Variants in PLEKHA7 observed in about 807,000 individuals in gnomAD.
PLEKHA7 encodes the protein pleckstrin homology domain containing A7.
Under a neutral mutation model 170.0 loss-of-function variants are expected in PLEKHA7, and 104 were observed. The ratio of observed to expected loss-of-function variants is 0.61; its 90% CI spans 0.52 to 0.72. The LOEUF (loss-of-function observed/expected upper bound fraction) is 0.72, where lower values mean the gene tolerates loss of function less well. Among genes scored for constraint, PLEKHA7 ranks in the 30% least tolerant of loss-of-function variants. The pLI, the probability that PLEKHA7 is intolerant of heterozygous loss-of-function variation, is 0.00. For synonymous variants in PLEKHA7, 648 were observed against 660.8 expected (o/e 0.98, Z 0.30); for missense variants, 1,615 against 1,671.7 (o/e 0.97, Z 0.59).
intron 3 of PLEKHA7, among the ~76,000 whole-genome samples, chr11:16,875,842 G>A (rs754883494): frequency 2.0e-5 from 3 of 152,244 alleles, no homozygotes; most frequent in Non-Finnish European, 2.9e-5. Flanking sequence ...GTCCCTGGGC[G>A]ATTCCATTCA....
Position 16,778,905 on chromosome 11 carries a change from C to T in PLEKHA7, c.*93G>A, listed in dbSNP as rs965043545. The T allele has an allele frequency of 3.3e-5, 23 of 701,464 alleles. No homozygotes were observed. The highest frequency in any genetic ancestry group is 5.2e-5 in the Non-Finnish European group (20 of 384,312). The allele number at this position is 701,464 out of a possible 1,614,324, so 43.5% of individuals were successfully genotyped here. A position where few individuals can be genotyped will look rare whatever the true frequency, so the allele number is the denominator to read the frequency against. Reference sequence around the variant, plus strand: ...TCCTCCGGCCGGATTCCCTGCTCAGCTGGAAGGGGTTTCCTTGGGGGCAGA... The same window carrying T: ...TCCTCCGGCCGGATTCCCTGCTCAGTTGGAAGGGGTTTCCTTGGGGGCAGA... On this transcript the variant is annotated 3_prime_UTR_variant, in exon 27 of 27. Transcript: ENST00000531066.
At chr11:16,871,302 G>T in intron 3 of PLEKHA7, 120 bp from the exon 4 acceptor site, 1 of 725,338 alleles carries the variant, frequency 1.4e-6, no homozygotes. Flanking sequence ...GGGGAGAAAT[G>T]TGGGCCTTTC....
intron 3 of PLEKHA7, among the ~76,000 whole-genome samples, chr11:16,968,626 C>T (rs1862520811): frequency 6.6e-6 from 1 of 152,118 alleles, no homozygotes; most frequent in Non-Finnish European, 1.5e-5. Flanking sequence ...TTCTTGCTTA[C>T]AATGGAAAAA....
At chr11:16,853,437 G>A (rs1853153165) in intron 6 of PLEKHA7, among the ~76,000 whole-genome samples, 1 of 152,148 alleles carries the variant, frequency 6.6e-6, no homozygotes, top group East Asian at 1.9e-4. Flanking sequence ...TGCTTTGTTT[G>A]GAGACCTCTT....
intron 3 of PLEKHA7, among the ~76,000 whole-genome samples, chr11:16,894,753 G>A (rs1590516375): frequency 2.0e-5 from 3 of 152,272 alleles, no homozygotes; most frequent in South Asian, 4.1e-4. Flanking sequence ...CCCAGTGCAC[G>A]AGACTTCTCC....
chr11:16,892,402 TA>T (rs772469994), intron 3 of PLEKHA7, among the ~76,000 whole-genome samples: 7 of 106,850 alleles, frequency 6.6e-5, no homozygotes, highest in Non-Finnish European at 8.9e-5. Context: ...GAGGTTGTTT[TA>T]TTTTGTGTGT....
chr11:16,790,633 A>T, intron 21 of PLEKHA7, 165 bp downstream of exon 21: 1 of 630,732 alleles, frequency 1.6e-6, no homozygotes, highest in Non-Finnish European at 2.8e-6. Context: ...TGTGGGCCAG[A>T]GGAAGACAGG....
rs1368674026 is a variant in PLEKHA7, at chr11:16,826,590, C to T, written c.873G>A (p.Arg291=). 4 of 1,609,982 alleles carry T rather than the reference C, an allele frequency of 2.5e-6. No individual in the cohort carries two copies. The highest frequency in any genetic ancestry group is 3.4e-6 in the Non-Finnish European group (4 of 1,178,206). Reference sequence around the variant, plus strand: ...CCTGCCGCTCCACCTTCTCCATATCCCTGCAATGACAGCAGCACATTCAGT... The same window carrying T: ...CCTGCCGCTCCACCTTCTCCATATCTCTGCAATGACAGCAGCACATTCAGT... ...AQVLSRSSLK[R]DMEKVERQAV... The change falls in exon 10 of 27, where the codon AGG becomes AGA. Residue 291 remains arginine, a splice_region_variant and synonymous_variant. Transcript: ENST00000531066.
intron 18 of PLEKHA7, 57 bp downstream of exon 18, chr11:16,794,853 C>T: frequency 6.6e-7 from 1 of 1,524,624 alleles, no homozygotes; most frequent in East Asian, 2.2e-5. Flanking sequence ...GCCTTCCACC[C>T]TCCCACCACC....
intron 4 of PLEKHA7, among the ~76,000 whole-genome samples, chr11:16,857,451 C>T (rs901977567): frequency 2.6e-5 from 4 of 152,246 alleles, no homozygotes; most frequent in Non-Finnish European, 5.9e-5. Flanking sequence ...ACCACATTTG[C>T]TGTTGGCAGA....
chr11:16,896,473 C>T (rs762499291), intron 3 of PLEKHA7, among the ~76,000 whole-genome samples: 1 of 152,142 alleles, frequency 6.6e-6, no homozygotes, highest in Non-Finnish European at 1.5e-5. Context: ...TTTCCCCTCA[C>T]TCCCCATCAG....
In PLEKHA7 at chr11:16,791,757, T is replaced by C. The variant is rs1016666476; in HGVS notation, c.2746-558A>G. The C allele has an allele frequency of 4.5e-6, 2 of 441,980 alleles. No homozygotes were observed. Among genetic ancestry groups the C allele is most frequent in the African/African-American group, 2.0e-5 (1 of 49,902 alleles). 27.4% of individuals were successfully genotyped at this position (441,980 alleles called of 1,614,324 possible). A position where few individuals can be genotyped will look rare whatever the true frequency, so the allele number is the denominator to read the frequency against. ...TGGTTACAAAATATTTCCTCCTTCCTGACTCAGACAGAACAGGCGGTCAGG... is the reference window on the plus strand; with the variant it reads ...TGGTTACAAAATATTTCCTCCTTCCCGACTCAGACAGAACAGGCGGTCAGG... On this transcript the variant is annotated intron_variant, in intron 19 of 26. Coordinates refer to ENST00000531066, the MANE Select transcript of PLEKHA7 (RefSeq NM_001329630.2). This position sits in a 1 kb window ranked among gnomAD's most constrained non-coding sequence, Gnocchi z 4.5.
At chr11:16,813,238 G>T in intron 12 of PLEKHA7, 72 bp from the exon 13 acceptor site, 1 of 1,348,082 alleles carries the variant, frequency 7.4e-7, no homozygotes, top group Non-Finnish European at 1.1e-6. Context: ...GGTTTCACAT[G>T]TGAATTATTT....
intron 25 of PLEKHA7, among the ~76,000 whole-genome samples, 181 bp from the exon 26 acceptor site, chr11:16,783,077 T>C (rs974963565): frequency 6.6e-6 from 1 of 152,246 alleles, no homozygotes; most frequent in African/African-American, 2.4e-5. Flanking sequence ...GTCCCAGCTT[T>C]GTTCCTCCTT....
At chr11:16,925,112 G>A (rs1273157185) in intron 3 of PLEKHA7, among the ~76,000 whole-genome samples, 3 of 152,158 alleles carry the variant, frequency 2.0e-5, no homozygotes, top group Non-Finnish European at 2.9e-5. Flanking sequence ...CCCACCTCCC[G>A]GTCCCCACCC....
chr11:16,826,086 C>T (rs775010538), intron 10 of PLEKHA7, 34 bp downstream of exon 10: 6 of 1,587,930 alleles, frequency 3.8e-6, no homozygotes, highest in African/African-American at 1.3e-5. Context: ...TTATCGTGCT[C>T]GTTATAAGCA....
At chr11:16,849,436 C>T (rs530332833) in intron 8 of PLEKHA7, among the ~76,000 whole-genome samples, 1 of 152,282 alleles carries the variant, frequency 6.6e-6, no homozygotes, top group Non-Finnish European at 1.5e-5. Flanking sequence ...ATTTTTCAGG[C>T]TGTAAAGGAT....
intron 3 of PLEKHA7, among the ~76,000 whole-genome samples, chr11:16,986,769 C>G (rs534360669): frequency 1.3e-5 from 2 of 152,146 alleles, no homozygotes; most frequent in African/African-American, 4.8e-5. Flanking sequence ...CCATGAGCCC[C>G]ACCTCTACCA....
chr11:16,855,742 A>T lies in PLEKHA7; in HGVS notation c.417+61T>A, dbSNP rs190011512. 41 of 1,278,540 alleles carry T rather than the reference A, an allele frequency of 3.2e-5. No individual in the cohort carries two copies. In the East Asian group the frequency reaches 9.3e-4, roughly 29 times the overall value. 79.2% of individuals were successfully genotyped at this position (1,278,540 alleles called of 1,614,324 possible). ...GTGAAGATCAAATGGACTTCTGGTT[A>T]CAAAGGGGCTTGGCAAAATATAAAA... is the stretch of plus-strand genomic sequence containing the variant. On this transcript the variant is annotated intron_variant, in intron 5 of 26. Coordinates refer to ENST00000531066, the MANE Select transcript of PLEKHA7 (RefSeq NM_001329630.2).
Sources: gnomAD v4.1 joint callset for allele counts (sites outside exome capture counted in the v4.1 genomes callset) on GRCh38, gnomAD v4.1.1 for gene constraint, Gnocchi (gnomAD v3.1) non-coding constraint, MANE v1.5 for transcripts, NCBI Gene and HGNC (gene_info 2026-07-23, HGNC 2026-07-21) for gene names.